Variants in ACACA observed in about 807,000 individuals in gnomAD.
ACACA encodes the protein acetyl-CoA carboxylase 1.
In ACACA, 103 loss-of-function variants were observed where a neutral mutation model predicts 296.1. The ratio of observed to expected loss-of-function variants is 0.35; its 90% CI spans 0.30 to 0.41. The LOEUF is 0.41. ACACA is among the 10% of genes least tolerant of loss of function. ACACA has a pLI of 1.00. For synonymous variants in ACACA, 953 were observed against 1,038.6 expected (o/e 0.92, Z 1.58); for missense variants, 1,554 against 2,989.7 (o/e 0.52, Z 11.20).
chr17:37,276,560 T>C (rs974006207), intron 7 of ACACA, among the ~76,000 whole-genome samples: 1 of 152,236 alleles, frequency 6.6e-6, no homozygotes, highest in Non-Finnish European at 1.5e-5. Context: ...CCTCTGTTTT[T>C]CTCTCTGGTA....
chr17:37,147,337 A>G (rs985129213), intron 45 of ACACA, among the ~76,000 whole-genome samples: 6 of 152,180 alleles, frequency 3.9e-5, no homozygotes, highest in Admixed American at 6.5e-5. Context: ...ATCTATACGC[A>G]AGACACAGAC....
intron 3 of ACACA, among the ~76,000 whole-genome samples, chr17:37,311,435 C>T (rs779381915): frequency 6.6e-6 from 1 of 152,138 alleles, no homozygotes; most frequent in Non-Finnish European, 1.5e-5. Context: ...CAAATACACA[C>T]ACACACATAC....
intron 41 of ACACA, among the ~76,000 whole-genome samples, chr17:37,172,806 T>C (rs780015167): frequency 7.9e-5 from 12 of 152,184 alleles, no homozygotes; most frequent in Non-Finnish European, 1.3e-4. Flanking sequence ...TTATAAACAT[T>C]CTCCTATCTT....
chr17:37,097,034 A>G lies in ACACA; in HGVS notation c.6853T>C (p.Leu2285=). The change falls in exon 54 of 56, where the codon TTA becomes CTA. Residue 2285 remains leucine (L), a synonymous_variant. Coordinates refer to ENST00000616317, the MANE Select transcript of ACACA (RefSeq NM_198834.3). This position sits in a 1 kb window ranked among gnomAD's most constrained non-coding sequence, Gnocchi z 4.8. ...TCCACTTCCACAAACCAGCGCCTTAACATGGCTTGAATCTGGCCATCAGTC... is the reference window on the plus strand; with the variant it reads ...TCCACTTCCACAAACCAGCGCCTTAGCATGGCTTGAATCTGGCCATCAGTC... ...ELTDGQIQAM[L]RRWFVEVEGT... 1 of 1,614,136 alleles carries G rather than the reference A, an allele frequency of 6.2e-7. No homozygotes were observed. The highest frequency in any genetic ancestry group is 8.5e-7 in the Non-Finnish European group (1 of 1,180,026).
intron 11 of ACACA, among the ~76,000 whole-genome samples, chr17:37,260,682 G>A (rs2081474497): frequency 6.6e-6 from 1 of 151,894 alleles, no homozygotes; most frequent in Admixed American, 6.6e-5. Flanking sequence ...ACATAGTCAT[G>A]ATAGTATAAG....
intron 45 of ACACA, among the ~76,000 whole-genome samples, chr17:37,131,003 A>C (rs2075067901): frequency 6.6e-6 from 1 of 151,974 alleles, no homozygotes; most frequent in Non-Finnish European, 1.5e-5. Context: ...TCCACGCACA[A>C]GCCCTAAAGC....
At chr17:37,116,416 C>T (rs913747530) in intron 50 of ACACA, among the ~76,000 whole-genome samples, 3 of 152,210 alleles carry the variant, frequency 2.0e-5, no homozygotes, top group Non-Finnish European at 4.4e-5. Flanking sequence ...ATATTCCCAA[C>T]TGCTGCTGGA....
chr17:37,390,150 A>AG, intron 1 of ACACA, among the ~76,000 whole-genome samples: 2 of 49,476 alleles, frequency 4.0e-5, no homozygotes, highest in African/African-American at 2.9e-4. Flanking sequence ...GTATATATAT[A>AG]TATATATATA....
chr17:37,228,953 A>C (rs1022655286), intron 25 of ACACA, among the ~76,000 whole-genome samples: 1 of 152,026 alleles, frequency 6.6e-6, no homozygotes, highest in Non-Finnish European at 1.5e-5. Context: ...ACCATCCTGG[A>C]GAACACGGTT....
intron 41 of ACACA, among the ~76,000 whole-genome samples, chr17:37,176,461 C>T (rs1190483059): frequency 1.3e-5 from 2 of 152,210 alleles, no homozygotes; most frequent in East Asian, 3.9e-4. Context: ...GTCCAGATGC[C>T]CATTCTCTTT....
intron 47 of ACACA, among the ~76,000 whole-genome samples, chr17:37,126,164 A>G (rs1243278167): frequency 1.3e-5 from 2 of 152,204 alleles, no homozygotes; most frequent in Non-Finnish European, 2.9e-5. Context: ...CAAAATGTCT[A>G]TTTCTATTTT....
chr17:37,377,824 C>T (rs2050073960), intron 1 of ACACA: 26 of 1,423,732 alleles, frequency 1.8e-5, no homozygotes, highest in Non-Finnish European at 2.5e-5. Flanking sequence ...CCAGTAAATT[C>T]TGATTTTCCC....
At chr17:37,391,678 C>G in intron 1 of ACACA, 2 of 1,613,894 alleles carry the variant, frequency 1.2e-6, no homozygotes, top group South Asian at 1.1e-5. Flanking sequence ...TCATCAAACC[C>G]AAAGAAAGCT....
rs2050769679 is a variant in ACACA at position 37,390,257 on chromosome 17, A to G, written c.38+16005T>C. On this transcript the variant is annotated intron_variant, in intron 1 of 55. Coordinates refer to ENST00000616317, the MANE Select transcript of ACACA (RefSeq NM_198834.3). The stretch of plus-strand genomic sequence containing the variant: ...ATATAATATATTATATATATATTAT[A>G]TATAATTATATATAATATATTATAT... Among the ~76,000 whole-genome samples, 4 of 67,294 alleles carry G rather than the reference A, an allele frequency of 5.9e-5. No individual in the cohort carries two copies. The East Asian group carries it at 1.7e-3, about 29-fold the overall frequency. The allele number at this position is 67,294 out of a possible 152,430, so 44.1% of individuals were successfully genotyped here.
chr17:37,312,550 G>T (rs774282603), intron 3 of ACACA, among the ~76,000 whole-genome samples: 5 of 152,190 alleles, frequency 3.3e-5, no homozygotes, highest in Non-Finnish European at 7.3e-5. Context: ...TCAATAAATG[G>T]CAGTAAAAGT....
chr17:37,087,897 T>C (rs2072326644), intron 55 of ACACA, among the ~76,000 whole-genome samples: 1 of 152,228 alleles, frequency 6.6e-6, no homozygotes, highest in Admixed American at 6.5e-5. Flanking sequence ...TCGTAAAGAC[T>C]GCACCAGAGG....
chr17:37,191,066 A>C (rs919042734), intron 38 of ACACA, 54 bp downstream of exon 38: 65 of 1,596,042 alleles, frequency 4.1e-5, no homozygotes, highest in Non-Finnish European at 5.4e-5. Context: ...AATATGAATG[A>C]ACTTCTGTGC....
chr17:37,276,538 T>C (rs1338157586), intron 7 of ACACA, among the ~76,000 whole-genome samples: 2 of 152,252 alleles, frequency 1.3e-5, no homozygotes, highest in African/African-American at 4.8e-5. Flanking sequence ...AAAAATACTT[T>C]GAGCTATATA....
chr17:37,226,858 T>C (rs1269755948), intron 25 of ACACA, among the ~76,000 whole-genome samples: 1 of 152,134 alleles, frequency 6.6e-6, no homozygotes, highest in Non-Finnish European at 1.5e-5. Flanking sequence ...GGAAAGAAGG[T>C]AGATATAAGG....
Sources: allele counts gnomAD v4.1 joint callset (sites outside exome capture counted in the v4.1 genomes callset), GRCh38; gene constraint gnomAD v4.1.1; non-coding constraint Gnocchi (gnomAD v3.1); transcripts MANE v1.5; gene names NCBI Gene and HGNC (gene_info 2026-07-23, HGNC 2026-07-21).